Variants in ZNRF3 observed in about 807,000 individuals in gnomAD.
ZNRF3 encodes zinc and ring finger 3.
A neutral mutation model predicts 72.5 loss-of-function variants in ZNRF3; 23 were observed. The observed-to-expected ratio is 0.32, with a 90% CI of 0.23 to 0.45. ZNRF3 has a LOEUF of 0.45. Among genes scored for constraint, ZNRF3 ranks in the 20% least tolerant of loss-of-function variants. ZNRF3 has a pLI of 1.00. For missense variants in ZNRF3, 1,169 were observed against 1,272.1 expected, an observed-to-expected ratio of 0.92 and a Z score of 1.23; for synonymous variants, 610 against 545.3, an observed-to-expected ratio of 1.12 and a Z score of -1.65.
At chr22:29,016,023 A>AAAAC (rs1569282182) in intron 2 of ZNRF3, among the ~76,000 whole-genome samples, 3 of 142,992 alleles carry the variant, frequency 2.1e-5, no homozygotes, top group African/African-American at 8.4e-5. Flanking sequence ...TCAAAAAAAA[A>AAAAC]AAAAAACAAA....
chr22:29,031,740 G>A, intron 2 of ZNRF3: 1 of 569,334 alleles, frequency 1.8e-6, no homozygotes, highest in Non-Finnish European at 2.2e-6. Flanking sequence ...GGACCTGTGG[G>A]CGTCAGGCGT....
chr22:29,036,238 A>C (rs1377959449), intron 2 of ZNRF3, among the ~76,000 whole-genome samples: 1 of 152,188 alleles, frequency 6.6e-6, no homozygotes, highest in Non-Finnish European at 1.5e-5. Flanking sequence ...TCGTATTTTC[A>C]GGGAAAATGT....
chr22:28,952,475 G>T (rs942488048), intron 1 of ZNRF3, among the ~76,000 whole-genome samples: 8 of 147,628 alleles, frequency 5.4e-5, no homozygotes, highest in Non-Finnish European at 1.2e-4. Context: ...TTTCAGCAGA[G>T]AGAAGTTTTT....
intron 1 of ZNRF3, among the ~76,000 whole-genome samples, chr22:28,966,654 GAAAA>G (rs1201273471): frequency 6.6e-6 from 1 of 151,772 alleles, no homozygotes; most frequent in Non-Finnish European, 1.5e-5. Flanking sequence ...AGTTTTGATA[GAAAA>G]AAGCTTATGA....
intron 1 of ZNRF3, among the ~76,000 whole-genome samples, chr22:28,945,712 T>G (rs1452523314): frequency 1.3e-5 from 2 of 151,934 alleles, no homozygotes; most frequent in Non-Finnish European, 2.9e-5. Flanking sequence ...GTACTTTTAG[T>G]AGAGACGGGG....
At chr22:28,888,965 A>T (rs1163314978) in intron 1 of ZNRF3, among the ~76,000 whole-genome samples, 2 of 152,164 alleles carry the variant, frequency 1.3e-5, no homozygotes, top group Admixed American at 1.3e-4. Flanking sequence ...TACAAAAAAA[A>T]TTAGCCAGGT....
rs534335928 is a variant in ZNRF3 at position 28,973,124 on chromosome 22, G to A, written c.301-13952G>A. Among the ~76,000 whole-genome samples the A allele has an allele frequency of 4.6e-5, 7 of 152,122 alleles. No homozygotes were observed. In the South Asian group the frequency reaches 6.2e-4, roughly 14 times the overall value. ...CTCCCAAGTAGCCAGGATTACAGGC[G>A]TGTACCACCACACCTGGCTAATTTT... On this transcript the variant is annotated intron_variant, in intron 1 of 8. Coordinates refer to ENST00000544604, the MANE Select transcript of ZNRF3 (RefSeq NM_001206998.2).
At chr22:29,042,160 G>A (rs531960887) in intron 2 of ZNRF3, among the ~76,000 whole-genome samples, 3 of 152,114 alleles carry the variant, frequency 2.0e-5, no homozygotes, top group Admixed American at 1.3e-4. Flanking sequence ...GTACATATTC[G>A]TGGGGTACAT....
intron 1 of ZNRF3, among the ~76,000 whole-genome samples, chr22:28,904,310 T>G (rs1334897411): frequency 1.3e-5 from 2 of 152,210 alleles, no homozygotes; most frequent in African/African-American, 4.8e-5. Flanking sequence ...ACAGCATTCT[T>G]AAGAGCTCGA....
In ZNRF3 at chr22:28,883,977, A is replaced by G; in HGVS notation, c.211A>G (p.Ser71Gly). Residue 71 changes from serine (S) to glycine (G), a missense_variant, in exon 1 of 9, where the codon AGC (serine) becomes GGC (glycine). Transcript: ENST00000544604. The surrounding 1 kb of genome is among the most constrained non-coding windows in gnomAD (Gnocchi z 5.5). Reference sequence around the variant, plus strand: ...GGTGGTGCTGTTCGAGTCGAGCCCAAGCGGCGATTACACCACCTACACCAC... The same window carrying G: ...GGTGGTGCTGTTCGAGTCGAGCCCAGGCGGCGATTACACCACCTACACCAC... ...VEVVLFESSPSGDYTTYTTGL... is the reference protein window; with the variant it reads ...VEVVLFESSPGGDYTTYTTGL... 2 of 1,312,636 alleles carry G rather than the reference A, an allele frequency of 1.5e-6. No homozygotes were observed. The highest frequency in any genetic ancestry group is 1.6e-5 in the African/African-American group (1 of 63,376). 81.3% of individuals were successfully genotyped at this position (1,312,636 alleles called of 1,614,324 possible). A position where few individuals can be genotyped will look rare whatever the true frequency, so the allele number is the denominator to read the frequency against.
At chr22:28,886,628 T>C (rs2033792273) in intron 1 of ZNRF3, among the ~76,000 whole-genome samples, 1 of 152,170 alleles carries the variant, frequency 6.6e-6, no homozygotes, top group Non-Finnish European at 1.5e-5. Context: ...CACAGTCTCA[T>C]TGAACTTTTC....
At chr22:29,014,077 G>C (rs1025989043) in intron 2 of ZNRF3, among the ~76,000 whole-genome samples, 1 of 152,110 alleles carries the variant, frequency 6.6e-6, no homozygotes, top group Non-Finnish European at 1.5e-5. Context: ...CTTTTCCCTG[G>C]ATTTTTTTCA....
chr22:29,024,284 G>GTTTTTTTTTTTT (rs59532780), intron 2 of ZNRF3, among the ~76,000 whole-genome samples: 3 of 127,818 alleles, frequency 2.3e-5, no homozygotes, highest in African/African-American at 5.7e-5. Context: ...GGCATTAACT[G>GTTTTTTTTTTTT]TTTTTTTTTT....
intron 1 of ZNRF3, among the ~76,000 whole-genome samples, chr22:28,967,944 GAAAA>G (rs969113979): frequency 7.0e-6 from 1 of 143,164 alleles, no homozygotes; most frequent in East Asian, 2.0e-4. Flanking sequence ...AAAAAAAAAA[GAAAA>G]AAACACAACT....
intron 1 of ZNRF3, among the ~76,000 whole-genome samples, chr22:28,976,521 T>A (rs941321436): frequency 1.3e-5 from 2 of 152,104 alleles, no homozygotes; most frequent in East Asian, 3.8e-4. Flanking sequence ...AAAAATAAAT[T>A]AATATAGCTT....
chr22:28,924,035 G>A (rs1398083540), intron 1 of ZNRF3, among the ~76,000 whole-genome samples: 2 of 152,266 alleles, frequency 1.3e-5, no homozygotes, highest in African/African-American at 2.4e-5. Flanking sequence ...GCCGCGCACC[G>A]GGGTGCTTCA....
At chr22:29,013,097 G>A (rs1601663788) in intron 2 of ZNRF3, among the ~76,000 whole-genome samples, 1 of 152,178 alleles carries the variant, frequency 6.6e-6, no homozygotes, top group East Asian at 1.9e-4. Flanking sequence ...GAGTGCTGTT[G>A]AAGAGCCACC....
chr22:29,043,542 A>C, intron 4 of ZNRF3, 112 bp downstream of exon 4: 1 of 1,344,518 alleles, frequency 7.4e-7, no homozygotes, highest in Non-Finnish European at 1.0e-6. Context: ...GGCATACCCC[A>C]GGTTCCTGCA....
chr22:28,948,972 TTTAATTAA>T, intron 1 of ZNRF3, among the ~76,000 whole-genome samples: 1 of 152,196 alleles, frequency 6.6e-6, no homozygotes. Flanking sequence ...AAAATTCACA[TTTAATTAA>T]TTAATTAATT....
Sources: allele counts gnomAD v4.1 joint callset (sites outside exome capture counted in the v4.1 genomes callset), GRCh38; gene constraint gnomAD v4.1.1; non-coding constraint Gnocchi (gnomAD v3.1); transcripts MANE v1.5; gene names NCBI Gene and HGNC (gene_info 2026-07-23, HGNC 2026-07-21).